Variants in TMEM217 observed in about 807,000 individuals in gnomAD.
TMEM217 encodes the protein transmembrane protein 217, also known as chromosome 6 open reading frame 128.
For missense variants in TMEM217, 204 were observed against 248.8 expected (o/e 0.82, Z 1.21); for synonymous variants, 76 against 88.3 (o/e 0.86, Z 0.78).
chr6:37,243,256 G>A (rs967780880), intron 1 of TMEM217, among the ~76,000 whole-genome samples: 8 of 152,148 alleles, frequency 5.3e-5, no homozygotes, highest in Non-Finnish European at 7.3e-5. Context: ...GAAACAGGGC[G>A]TTTAGTTATA....
intron 1 of TMEM217, among the ~76,000 whole-genome samples, chr6:37,232,163 T>C (rs181301078): frequency 2.6e-5 from 4 of 152,322 alleles, no homozygotes; most frequent in African/African-American, 9.6e-5. Flanking sequence ...ATTTGATTAA[T>C]GGGTACAAAA....
At position 37,229,335 on chromosome 6, in the gene TMEM217, G is replaced by GTTTTTTTTT. The variant is rs372385535; in HGVS notation, c.-11-10303_-11-10295dup. 1.6e-3 allele frequency among the ~76,000 whole-genome samples: 122 copies of GTTTTTTTTT among 74,362 alleles called. 20 individuals carry two copies. The highest frequency in any genetic ancestry group is 3.2e-3 in the South Asian group (5 of 1,552). The allele number at this position is 74,362 out of a possible 152,430, so 48.8% of individuals were successfully genotyped here. ...TGACTCGTCTCCCTAGCAACTTTCA[G>GTTTTTTTTT]TTTTTTTTTTTTTTTTTTTTTTTTT... On this transcript the variant is annotated intron_variant, in intron 1 of 1. Coordinates refer to ENST00000357219, the Ensembl canonical transcript of TMEM217.
intron 1 of TMEM217, among the ~76,000 whole-genome samples, chr6:37,247,756 C>G (rs1765176114): frequency 6.6e-6 from 1 of 152,178 alleles, no homozygotes; most frequent in African/African-American, 2.4e-5. Context: ...AAACACACAC[C>G]TCAGAATTAT....
intron 1 of TMEM217, among the ~76,000 whole-genome samples, chr6:37,234,320 G>A (rs184756529): frequency 6.6e-6 from 1 of 152,032 alleles, no homozygotes; most frequent in African/African-American, 2.4e-5. Flanking sequence ...GGCTGGTCTC[G>A]AACTCCTGAC....
At chr6:37,218,587 G>A in exon 2 of TMEM217, 1 of 1,614,172 alleles carries the variant, frequency 6.2e-7, no homozygotes. Context: ...TGTGGGCATA[G>A]TTGATGACAA....
intron 1 of TMEM217, among the ~76,000 whole-genome samples, chr6:37,237,978 T>C (rs1410220054): frequency 1.3e-5 from 2 of 152,166 alleles, no homozygotes; most frequent in African/African-American, 4.8e-5. Flanking sequence ...TACAGCCAGA[T>C]GCAAATTGCT....
At chr6:37,252,368 G>C (rs986789628) in intron 1 of TMEM217, among the ~76,000 whole-genome samples, 1 of 151,976 alleles carries the variant, frequency 6.6e-6, no homozygotes, top group Non-Finnish European at 1.5e-5. Context: ...ATGAATAGCT[G>C]CAAGAGAGAC....
At chr6:37,238,293 T>C (rs1209007595) in intron 1 of TMEM217, among the ~76,000 whole-genome samples, 1 of 152,194 alleles carries the variant, frequency 6.6e-6, no homozygotes, top group Non-Finnish European at 1.5e-5. Flanking sequence ...AATATAATTA[T>C]GTAAGTATTT....
At chr6:37,212,848 T>C (rs1762984572), downstream of TMEM217, 1 of 1,255,884 alleles carries the variant, frequency 8.0e-7, no homozygotes, top group Non-Finnish European at 1.1e-6. Context: ...TGAGTCCACG[T>C]AGATGCTGAA....
intron 1 of TMEM217, among the ~76,000 whole-genome samples, chr6:37,247,238 T>C (rs1350999703): frequency 6.6e-6 from 1 of 152,136 alleles, no homozygotes; most frequent in African/African-American, 2.4e-5. Context: ...CTACTTATGG[T>C]TAATTTTAGT....
At chr6:37,257,459 A>C (rs1765819892) in intron 1 of TMEM217, 109 bp downstream of exon 1, 1 of 157,098 alleles carries the variant, frequency 6.4e-6, no homozygotes, top group South Asian at 1.7e-4. Flanking sequence ...AGATTCCTAT[A>C]TATAAATACA....
At chr6:37,216,142 A>G (rs1039063551), downstream of TMEM217, among the ~76,000 whole-genome samples, 18 of 152,026 alleles carry the variant, frequency 1.2e-4, no homozygotes, top group African/African-American at 4.3e-4. Flanking sequence ...GCAGTGGTGC[A>G]ATTATGGCTC....
At chr6:37,235,133 T>C (rs868715833) in intron 1 of TMEM217, among the ~76,000 whole-genome samples, 4 of 152,104 alleles carry the variant, frequency 2.6e-5, no homozygotes, top group African/African-American at 9.7e-5. Context: ...GCTAAAAACA[T>C]TATCATGAGA....
chr6:37,238,880 C>G (rs1764620684), intron 1 of TMEM217, among the ~76,000 whole-genome samples: 1 of 152,210 alleles, frequency 6.6e-6, no homozygotes, highest in Non-Finnish European at 1.5e-5. Context: ...CCTGTAATCC[C>G]AGCAGTTTAG....
chr6:37,229,401 G>T (rs1034235175), intron 1 of TMEM217, among the ~76,000 whole-genome samples: 33 of 134,500 alleles, frequency 2.5e-4, no homozygotes, highest in Admixed American at 4.2e-4. Context: ...GGAGTGCAGC[G>T]GCGCGATCTC....
chr6:37,240,204 T>C (rs764714870), intron 1 of TMEM217, among the ~76,000 whole-genome samples: 21 of 152,232 alleles, frequency 1.4e-4, no homozygotes, highest in Non-Finnish European at 1.8e-4. Context: ...ATTTATTATC[T>C]CATAATTTCC....
chr6:37,233,005 T>G (rs573426249), intron 1 of TMEM217, among the ~76,000 whole-genome samples: 4 of 152,300 alleles, frequency 2.6e-5, no homozygotes, highest in Non-Finnish European at 5.9e-5. Flanking sequence ...CCATCTACAC[T>G]GAGAACAAAT....
chr6:37,225,746 C>T (rs2113836112), intron 1 of TMEM217, among the ~76,000 whole-genome samples: 1 of 152,336 alleles, frequency 6.6e-6, no homozygotes, highest in East Asian at 1.9e-4. Flanking sequence ...ACATGGCCAC[C>T]CAGCTAATGA....
intron 1 of TMEM217, among the ~76,000 whole-genome samples, chr6:37,250,411 A>G (rs111597455): frequency 2.0e-5 from 3 of 152,326 alleles, no homozygotes; most frequent in African/African-American, 7.2e-5. Context: ...TCTTGTGTGT[A>G]TGATATATTT....
Sources: allele counts gnomAD v4.1 joint callset (sites outside exome capture counted in the v4.1 genomes callset), GRCh38; gene constraint gnomAD v4.1.1; transcripts MANE v1.5; gene names NCBI Gene and HGNC (gene_info 2026-07-23, HGNC 2026-07-21).